The following DNAH7 variants were observed in gnomAD, a reference collection of about 807,000 sequenced individuals.
The protein encoded by DNAH7 is dynein axonemal heavy chain 7.
A neutral mutation model predicts 444.6 loss-of-function variants in DNAH7; 397 were observed. The observed-to-expected ratio is 0.89, with a 90% CI of 0.82 to 0.97. DNAH7 has a LOEUF of 0.97. Ranked by LOEUF, DNAH7 falls within the 50% of genes least tolerant of loss-of-function variation. The pLI is 0.00. For missense variants in DNAH7, 4,902 were observed against 4,800.8 expected (o/e 1.02, Z -0.62); for synonymous variants, 1,636 against 1,624.4 (o/e 1.01, Z -0.17).
intron 49 of DNAH7, among the ~76,000 whole-genome samples, chr2:195,821,802 C>T (rs1168054694): frequency 6.6e-6 from 1 of 152,180 alleles, no homozygotes; most frequent in Non-Finnish European, 1.5e-5. Flanking sequence ...GCTCCTGCTA[C>T]TGGGTGGGAG....
At chr2:195,948,467 T>C (rs1689978877) in intron 19 of DNAH7, among the ~76,000 whole-genome samples, 1 of 152,216 alleles carries the variant, frequency 6.6e-6, no homozygotes, top group South Asian at 2.1e-4. Context: ...TTAATTTTTG[T>C]ATAAGGTGTA....
At position 195,857,569 on chromosome 2, in the gene DNAH7, C is replaced by T. The variant is rs747095219; in HGVS notation, c.8222G>A (p.Arg2741Lys). ...KIEDFWGPAK[R>K]LLGDMRFLQS... ...CAGAAACCTCATGTCACCAAGAAGT[C>T]TCTTAGCTGGGCCCCAGAAATCCTC... Residue 2741 changes from arginine (R) to lysine (K), a missense_variant, in exon 44 of 65, where the codon AGA (arginine) becomes AAA (lysine). Physicochemically the swap from Arg to Lys is conservative, Grantham distance 26. Coordinates refer to ENST00000312428, the MANE Select transcript of DNAH7 (RefSeq NM_018897.3). 34 of 1,613,988 alleles carry T rather than the reference C, an allele frequency of 2.1e-5. No individual in the cohort carries two copies. In the East Asian group the frequency reaches 6.5e-4, roughly 31 times the overall value.
chr2:195,837,110 T>C (rs556219876), intron 47 of DNAH7, among the ~76,000 whole-genome samples: 2 of 152,358 alleles, frequency 1.3e-5, no homozygotes, highest in East Asian at 3.9e-4. Flanking sequence ...AAATTGTTTA[T>C]TCCTTTAAAG....
intron 1 of DNAH7, among the ~76,000 whole-genome samples, chr2:196,059,220 T>TC (rs370621110): frequency 9.9e-5 from 15 of 152,236 alleles, no homozygotes; most frequent in African/African-American, 3.4e-4. Context: ...TTCTGGTTTT[T>TC]CCCCCCGCAA....
intron 1 of DNAH7, chr2:196,068,493 C>G: frequency 2.9e-6 from 2 of 689,116 alleles, no homozygotes; most frequent in East Asian, 3.0e-5. Context: ...GTTATGACGA[C>G]CAAGGGCAAA....
intron 45 of DNAH7, among the ~76,000 whole-genome samples, chr2:195,853,908 T>C (rs559764880): frequency 3.8e-4 from 58 of 152,276 alleles, no homozygotes; most frequent in African/African-American, 1.3e-3. Flanking sequence ...CATTTTCCCC[T>C]CATTTAACTT....
intron 9 of DNAH7, among the ~76,000 whole-genome samples, chr2:196,016,004 T>C (rs1694997798): frequency 6.6e-6 from 1 of 152,246 alleles, no homozygotes; most frequent in Admixed American, 6.5e-5. Context: ...GAAGTTTGCT[T>C]CAGTTGCTGC....
At chr2:196,006,835 A>T (rs755463605) in intron 10 of DNAH7, among the ~76,000 whole-genome samples, 73 of 152,104 alleles carry the variant, frequency 4.8e-4, no homozygotes, top group Non-Finnish European at 7.2e-4. Flanking sequence ...TTAAACCAAA[A>T]AATGTAAATA....
At chr2:195,806,302 T>A (rs547627744) in intron 54 of DNAH7, among the ~76,000 whole-genome samples, 1 of 152,298 alleles carries the variant, frequency 6.6e-6, no homozygotes, top group Non-Finnish European at 1.5e-5. Context: ...TCCTTTGTTG[T>A]CAATAATGAC....
chr2:196,019,878 T>C (rs1695264399), intron 8 of DNAH7, among the ~76,000 whole-genome samples: 1 of 152,080 alleles, frequency 6.6e-6, no homozygotes, highest in African/African-American at 2.4e-5. Flanking sequence ...TCAACTTACA[T>C]GTGGATTTTC....
intron 24 of DNAH7, among the ~76,000 whole-genome samples, chr2:195,919,942 ATAGG>A (rs1351077833): frequency 6.6e-6 from 1 of 152,198 alleles, no homozygotes; most frequent in African/African-American, 2.4e-5. Flanking sequence ...TAGCAAGCTT[ATAGG>A]AGAGACCTTG....
At chr2:195,919,236 T>TAA (rs759816585) in intron 24 of DNAH7, among the ~76,000 whole-genome samples, 32,743 of 139,390 alleles carry the variant, frequency 0.23, 4,828 homozygotes, top group African/African-American at 0.43. Flanking sequence ...AGACTTTGTT[T>TAA]AAAAAAAAAA....
intron 18 of DNAH7, among the ~76,000 whole-genome samples, chr2:195,959,837 A>C (rs1316002988): frequency 6.6e-6 from 1 of 152,236 alleles, no homozygotes; most frequent in Admixed American, 6.5e-5. Context: ...ATATTCAGCA[A>C]TCTTCTATGA....
At chr2:195,820,794 G>C (rs544992051) in intron 49 of DNAH7, among the ~76,000 whole-genome samples, 1 of 152,208 alleles carries the variant, frequency 6.6e-6, no homozygotes, top group African/African-American at 2.4e-5. Context: ...TAAAACATGT[G>C]AACTAGGAGA....
At chr2:195,744,641 C>T (rs1693271567) in intron 63 of DNAH7, among the ~76,000 whole-genome samples, 1 of 152,184 alleles carries the variant, frequency 6.6e-6, no homozygotes, top group Non-Finnish European at 1.5e-5. Flanking sequence ...CGGCCGGGTA[C>T]TCCTCTGAGA....
intron 15 of DNAH7, among the ~76,000 whole-genome samples, chr2:195,982,465 C>T (rs1559300492): frequency 6.6e-6 from 1 of 152,146 alleles, no homozygotes; most frequent in Non-Finnish European, 1.5e-5. Context: ...TATGATCCAG[C>T]AATCCCACTG....
intron 21 of DNAH7, among the ~76,000 whole-genome samples, chr2:195,933,028 A>G (rs1311213389): frequency 1.3e-5 from 2 of 152,158 alleles, no homozygotes; most frequent in East Asian, 1.9e-4. Flanking sequence ...GGTAGAATTC[A>G]GCTGTGAATC....
At chr2:196,001,636 A>C (rs753872727) in intron 11 of DNAH7, 39 bp downstream of exon 11, 4 of 1,428,806 alleles carry the variant, frequency 2.8e-6, no homozygotes, top group Non-Finnish European at 3.7e-6. Context: ...AAAATAAATA[A>C]ATTTGTAAAT....
chr2:195,741,591 C>T (rs1693037601), intron 63 of DNAH7, among the ~76,000 whole-genome samples: 1 of 152,190 alleles, frequency 6.6e-6, no homozygotes, highest in African/African-American at 2.4e-5. Context: ...GTTTTAGTTC[C>T]TAATTTGTTG....
Sources: gnomAD v4.1 joint callset for allele counts (sites outside exome capture counted in the v4.1 genomes callset) on GRCh38, gnomAD v4.1.1 for gene constraint, MANE v1.5 for transcripts, NCBI Gene and HGNC (gene_info 2026-07-23, HGNC 2026-07-21) for gene names.